MS4A4A: variants seen among roughly 807,000 people sequenced by gnomAD.
The protein encoded by MS4A4A is membrane-spanning 4-domains subfamily A member 4A.
A neutral mutation model predicts 28.0 loss-of-function variants in MS4A4A; 26 were observed. The ratio of observed to expected loss-of-function variants is 0.93; its 90% CI spans 0.68 to 1.29. The LOEUF is 1.29. MS4A4A is among the 50% of genes most tolerant of loss of function. The pLI is 0.00. For missense variants in MS4A4A, 290 were observed against 293.1 expected (o/e 0.99, Z 0.08); for synonymous variants, 86 against 100.8 (o/e 0.85, Z 0.88).
At chr11:60,291,038 CCTAAAAATTT>C (rs1159801975) in intron 1 of MS4A4A, among the ~76,000 whole-genome samples, 1 of 151,976 alleles carries the variant, frequency 6.6e-6, no homozygotes, top group Non-Finnish European at 1.5e-5. Context: ...GCTTCATTTC[CCTAAAAATTT>C]ATGGAAGTTG....
chr11:60,300,621 A>AC (rs2135028544), intron 3 of MS4A4A, among the ~76,000 whole-genome samples: 1 of 149,020 alleles, frequency 6.7e-6, no homozygotes, highest in African/African-American at 2.5e-5. Flanking sequence ...GTCTCAAAAA[A>AC]AAAAAAAAAA....
At chr11:60,281,842 A>G (rs767911953) in intron 1 of MS4A4A, among the ~76,000 whole-genome samples, 6 of 152,152 alleles carry the variant, frequency 3.9e-5, no homozygotes, top group Non-Finnish European at 8.8e-5. Flanking sequence ...CCTGATGCAT[A>G]TAGGTGATGT....
chr11:60,301,141 G>C (rs7949560), intron 4 of MS4A4A, 84 bp downstream of exon 4: 32,806 of 1,111,770 alleles, frequency 0.03, 737 homozygotes, highest in East Asian at 0.11. Flanking sequence ...AACAGGTTTT[G>C]TTTCTTTGTT....
chr11:60,294,427 T>C (rs1447672587), intron 2 of MS4A4A, among the ~76,000 whole-genome samples: 1 of 152,190 alleles, frequency 6.6e-6, no homozygotes, highest in East Asian at 1.9e-4. Context: ...CTCTTGACAA[T>C]GTCTTCTGCA....
rs529053053 is a variant in MS4A4A at position 60,285,641 on chromosome 11, G to T, written c.41+4925G>T. Among the ~76,000 whole-genome samples, 37 of 152,244 alleles carry T rather than the reference G, an allele frequency of 2.4e-4. No individual in the cohort carries two copies. In the South Asian group the frequency reaches 7.5e-3, roughly 31 times the overall value. ...CGGGGGTGACATCACATATCAGCAG[G>T]CACCGTGATGCCCCCGAGCTGCAAA... On this transcript the variant is annotated intron_variant, in intron 1 of 6. Coordinates refer to ENST00000337908, the MANE Select transcript of MS4A4A (RefSeq NM_148975.3).
At chr11:60,291,172 T>G (rs1444672780) in intron 1 of MS4A4A, among the ~76,000 whole-genome samples, 1 of 152,186 alleles carries the variant, frequency 6.6e-6, no homozygotes, top group Admixed American at 6.5e-5. Flanking sequence ...GAAAGAGATA[T>G]AAGAGTAATA....
At chr11:60,303,064 G>A (rs946355631) in intron 5 of MS4A4A, among the ~76,000 whole-genome samples, 8 of 152,170 alleles carry the variant, frequency 5.3e-5, no homozygotes, top group African/African-American at 1.9e-4. Flanking sequence ...CCTGATGTCA[G>A]TCCCTATTCT....
At chr11:60,288,103 A>G (rs948043021) in intron 1 of MS4A4A, among the ~76,000 whole-genome samples, 7 of 152,084 alleles carry the variant, frequency 4.6e-5, no homozygotes, top group African/African-American at 1.7e-4. Context: ...GCATATCCCT[A>G]ACTGGGACTC....
chr11:60,282,799 T>A, intron 1 of MS4A4A: 1 of 1,161,368 alleles, frequency 8.6e-7, no homozygotes, highest in African/African-American at 1.6e-5. Context: ...CATTAAAAAT[T>A]TTAACTTTAT....
At position 60,297,257 on chromosome 11, in the gene MS4A4A, G is replaced by T; in HGVS notation, c.262G>T (p.Ala88Ser). The change falls in exon 3 of 7, where the codon GCA (alanine) becomes TCA (serine). Residue 88 changes from alanine to serine, a missense_variant. Physicochemically the swap from Ala to Ser is moderately conservative, Grantham distance 99. Transcript: ENST00000337908. ...LSMGITMMCM[A>S]SNTYGSNPIS... is the part of the protein sequence containing the mutation. ...CATGGGAATAACAATGATGTGTATG[G>T]CATCTAATACTTATGGAAGTAACCC... 1 of 1,613,562 alleles carries T rather than the reference G, an allele frequency of 6.2e-7. No homozygotes were observed. Among genetic ancestry groups the T allele is most frequent in the Non-Finnish European group, 8.5e-7 (1 of 1,179,600 alleles).
intron 2 of MS4A4A, among the ~76,000 whole-genome samples, chr11:60,295,451 T>G (rs1046222768): frequency 6.6e-6 from 1 of 152,042 alleles, no homozygotes; most frequent in East Asian, 1.9e-4. Context: ...GGCAGTTTTA[T>G]TTTTCCCTGA....
intron 2 of MS4A4A, among the ~76,000 whole-genome samples, chr11:60,294,231 C>T (rs548943500): frequency 6.9e-4 from 105 of 152,240 alleles, no homozygotes; most frequent in Non-Finnish European, 1.3e-3. Flanking sequence ...TCTTTTCATG[C>T]GTTTCTTTAC....
intron 1 of MS4A4A, among the ~76,000 whole-genome samples, chr11:60,285,368 G>A (rs944387936): frequency 6.6e-6 from 1 of 152,158 alleles, no homozygotes; most frequent in Admixed American, 6.5e-5. Context: ...GCTGGGTGTG[G>A]TGGCACAGGC....
At chr11:60,281,430 A>G (rs2084754555) in intron 1 of MS4A4A, among the ~76,000 whole-genome samples, 1 of 152,206 alleles carries the variant, frequency 6.6e-6, no homozygotes, top group Non-Finnish European at 1.5e-5. Flanking sequence ...ACCCAGAATC[A>G]CACAAGTTAA....
At chr11:60,306,876 A>G (rs752615820) in intron 6 of MS4A4A, among the ~76,000 whole-genome samples, 5 of 152,254 alleles carry the variant, frequency 3.3e-5, no homozygotes, top group African/African-American at 4.8e-5. Context: ...TCCATGAAAT[A>G]TCATGATCTC....
chr11:60,301,758 T>C (rs2084954149), intron 4 of MS4A4A, among the ~76,000 whole-genome samples: 1 of 152,198 alleles, frequency 6.6e-6, no homozygotes, highest in South Asian at 2.1e-4. Flanking sequence ...TAGTTCTTTT[T>C]TGTTTGTTTT....
At chr11:60,295,825 C>T (rs994447252) in intron 2 of MS4A4A, among the ~76,000 whole-genome samples, 2 of 152,028 alleles carry the variant, frequency 1.3e-5, no homozygotes, top group East Asian at 1.9e-4. Flanking sequence ...GTCTTGCATA[C>T]CTGGGATAAA....
chr11:60,284,619 A>G (rs1254927345), intron 1 of MS4A4A, among the ~76,000 whole-genome samples: 2 of 152,220 alleles, frequency 1.3e-5, no homozygotes, highest in Admixed American at 1.3e-4. Flanking sequence ...AGTAAGTTAG[A>G]TACAAGACTA....
In MS4A4A at chr11:60,299,502, C is replaced by T. The variant is rs557846742; in HGVS notation, c.331-1499C>T. Among the ~76,000 whole-genome samples the T allele has an allele frequency of 3.5e-3, 358 of 100,920 alleles. 1 individual carries two copies. Among genetic ancestry groups the T allele is most frequent in the African/African-American group, 0.013 (334 of 26,340 alleles). The allele number at this position is 100,920 out of a possible 152,430, so 66.2% of individuals were successfully genotyped here. On this transcript the variant is annotated intron_variant, in intron 3 of 6. Coordinates refer to ENST00000337908, the MANE Select transcript of MS4A4A (RefSeq NM_148975.3). ...TTTTTGGTTTTTTGAGACAGAGTTT[C>T]GCTCTTATTACCCAGGCTGGAGTGC...
Sources: gnomAD v4.1 joint callset for allele counts (sites outside exome capture counted in the v4.1 genomes callset) on GRCh38, gnomAD v4.1.1 for gene constraint, MANE v1.5 for transcripts, NCBI Gene and HGNC (gene_info 2026-07-23, HGNC 2026-07-21) for gene names.